SYNGR1: variants seen among roughly 807,000 people sequenced by gnomAD.
The protein encoded by SYNGR1 is synaptogyrin 1.
SYNGR1 carries 14 observed loss-of-function variants against 26.1 expected under a neutral mutation model. That is an observed-to-expected ratio of 0.54 (90% CI 0.35 to 0.84). The LOEUF (loss-of-function observed/expected upper bound fraction) is 0.84, where lower values mean the gene tolerates loss of function less well. Ranked by LOEUF, SYNGR1 falls within the 40% of genes least tolerant of loss-of-function variation. The probability of loss-of-function intolerance (pLI) is 0.01; values close to 1 mark genes in which losing one functional copy is unlikely to be tolerated. For synonymous variants in SYNGR1, 141 were observed against 150.1 expected (o/e 0.94, Z 0.44); for missense variants, 319 against 332.9 (o/e 0.96, Z 0.33).
chr22:39,355,387 C>A (rs1924100622), intron 1 of SYNGR1, among the ~76,000 whole-genome samples: 2 of 152,240 alleles, frequency 1.3e-5, no homozygotes, highest in South Asian at 4.1e-4. Flanking sequence ...GCCCACGGCC[C>A]TTGTTTGTTA....
intron 3 of SYNGR1, among the ~76,000 whole-genome samples, chr22:39,381,179 G>A (rs1169170481): frequency 6.6e-6 from 1 of 152,130 alleles, no homozygotes; most frequent in Non-Finnish European, 1.5e-5. Flanking sequence ...GGCAATTAGA[G>A]CTCCAGCCAT....
At chr22:39,355,776 G>C (rs1924117309) in intron 1 of SYNGR1, among the ~76,000 whole-genome samples, 1 of 152,156 alleles carries the variant, frequency 6.6e-6, no homozygotes, top group Non-Finnish European at 1.5e-5. Context: ...CCAACACTTT[G>C]GGAGGCAGAG....
chr22:39,377,857 G>C, intron 3 of SYNGR1: 1 of 1,498,480 alleles, frequency 6.7e-7, no homozygotes, highest in South Asian at 1.2e-5. Context: ...TTCCTTCACC[G>C]CCTCCTTCAT....
In SYNGR1 at chr22:39,381,737, C is replaced by T. The variant is rs778322702; in HGVS notation, c.525C>T (p.Gly175=). Residue 175 remains glycine (G), a synonymous_variant, in exon 4 of 4, where the codon GGC becomes GGT. Coordinates refer to ENST00000328933, the MANE Select transcript of SYNGR1 (RefSeq NM_004711.5). The part of the protein sequence containing the change: ...AVLAFQRYQI[G]ADSALFSQDY... Reference sequence around the variant, plus strand: ...TGGCCTTCCAGCGGTACCAGATTGGCGCCGACTCGGCCCTCTTCTCCCAGG... The same window carrying T: ...TGGCCTTCCAGCGGTACCAGATTGGTGCCGACTCGGCCCTCTTCTCCCAGG... The T allele has an allele frequency of 7.4e-6, 12 of 1,613,308 alleles. No individual in the cohort carries two copies. The highest frequency in any genetic ancestry group is 4.4e-5 in the South Asian group (4 of 91,094).
At chr22:39,358,257 C>T (rs1030856452) in intron 1 of SYNGR1, among the ~76,000 whole-genome samples, 3 of 152,176 alleles carry the variant, frequency 2.0e-5, no homozygotes, top group Non-Finnish European at 4.4e-5. Flanking sequence ...CGTGGAGAAC[C>T]TTTGTATCTA....
chr22:39,354,236 A>G (rs137703), intron 1 of SYNGR1, among the ~76,000 whole-genome samples: 86,175 of 152,208 alleles, frequency 0.57, 27,571 homozygotes, highest in East Asian at 0.85. Context: ...TTCAGGGTTC[A>G]TTTTTTAAGG....
intron 1 of SYNGR1, among the ~76,000 whole-genome samples, chr22:39,371,527 C>T (rs376152802): frequency 1.3e-5 from 2 of 151,622 alleles, no homozygotes; most frequent in Non-Finnish European, 2.9e-5. Flanking sequence ...TGGTGGCTCA[C>T]GCCCGTAATC....
At chr22:39,380,664 A>T (rs1925472239) in intron 3 of SYNGR1, among the ~76,000 whole-genome samples, 1 of 116,696 alleles carries the variant, frequency 8.6e-6, no homozygotes, top group Non-Finnish European at 1.6e-5. Context: ...TTTGTTGCCC[A>T]GGCTAGAGTG....
intron 1 of SYNGR1, among the ~76,000 whole-genome samples, chr22:39,359,825 C>T (rs1325714174): frequency 6.6e-6 from 1 of 152,040 alleles, no homozygotes; most frequent in Non-Finnish European, 1.5e-5. Context: ...CTAGCTAGGC[C>T]TGGCCCTGCC....
At chr22:39,372,277 A>G (rs1266751956) in intron 1 of SYNGR1, among the ~76,000 whole-genome samples, 2 of 150,984 alleles carry the variant, frequency 1.3e-5, no homozygotes, top group Non-Finnish European at 3.0e-5. Context: ...GACCACAGGC[A>G]CGTGCCACCA....
chr22:39,368,945 C>G (rs1210773812), intron 1 of SYNGR1, among the ~76,000 whole-genome samples: 2 of 152,206 alleles, frequency 1.3e-5, no homozygotes, highest in Non-Finnish European at 2.9e-5. Flanking sequence ...TGGGTACTTG[C>G]TCTAATTCTC....
At chr22:39,356,440 A>T (rs936060519) in intron 1 of SYNGR1, among the ~76,000 whole-genome samples, 1 of 152,138 alleles carries the variant, frequency 6.6e-6, no homozygotes, top group African/African-American at 2.4e-5. Context: ...AGGCCCAGAG[A>T]GGTTAACTGG....
Position 39,382,976 on chromosome 22 carries a change from A to T in SYNGR1, c.*1062A>T, listed in dbSNP as rs150297796. On this transcript the variant is annotated 3_prime_UTR_variant, in exon 4 of 4. Transcript: ENST00000328933. ...ACAACAAGGCACAGATGAGGGTGTG[A>T]CTGGCCCGAGGTCACGGTGAGTGAG... 1 of 152,388 alleles carries T rather than the reference A, an allele frequency of 6.6e-6. No individual in the cohort carries two copies. The highest frequency in any genetic ancestry group is 2.4e-5 in the African/African-American group (1 of 41,546). The allele number at this position is 152,388 out of a possible 1,614,324, so 9.4% of individuals were successfully genotyped here. A position where few individuals can be genotyped will look rare whatever the true frequency, so the allele number is the denominator to read the frequency against.
chr22:39,374,009 C>G (rs991839529), intron 1 of SYNGR1, among the ~76,000 whole-genome samples: 2 of 152,108 alleles, frequency 1.3e-5, no homozygotes, highest in Admixed American at 1.3e-4. Context: ...CCCAGGATAT[C>G]TTGGTGTCAG....
At position 39,383,108 on chromosome 22, in the gene SYNGR1, C is replaced by G. The variant is rs1219185628; in HGVS notation, c.*1194C>G. On this transcript the variant is annotated 3_prime_UTR_variant, in exon 4 of 4. Coordinates refer to ENST00000328933, the MANE Select transcript of SYNGR1 (RefSeq NM_004711.5). ...CAGGAAACAGAACTGATCTGGGACA[C>G]TATGTCACCTCTCCTCTCATCTGGG... 6.6e-6 allele frequency: 1 copy of G among 152,278 alleles called. No individual in the cohort carries two copies. The highest frequency in any genetic ancestry group is 1.5e-5 in the Non-Finnish European group (1 of 68,072). The allele number at this position is 152,278 out of a possible 1,614,324, so 9.4% of individuals were successfully genotyped here. A position where few individuals can be genotyped will look rare whatever the true frequency, so the allele number is the denominator to read the frequency against.
At position 39,350,414 on chromosome 22, in the gene SYNGR1, T is replaced by C. The variant is rs921523872; in HGVS notation, c.99+305T>C. Among the ~76,000 whole-genome samples, 4 of 152,114 alleles carry C rather than the reference T, an allele frequency of 2.6e-5. No individual in the cohort carries two copies. Among genetic ancestry groups the C allele is most frequent in the Non-Finnish European group, 4.4e-5 (3 of 67,994 alleles). ...ATTGCTGTGACCTCCAGGCCGCGGC[T>C]ATGCCGCGAAAGGCTCGGATTGTGC... On this transcript the variant is annotated intron_variant, in intron 1 of 3. Coordinates refer to ENST00000328933, the MANE Select transcript of SYNGR1 (RefSeq NM_004711.5). This position sits in a 1 kb window ranked among gnomAD's most constrained non-coding sequence, Gnocchi z 4.3.
chr22:39,361,946 G>A (rs1241091018), intron 1 of SYNGR1, among the ~76,000 whole-genome samples: 1 of 151,894 alleles, frequency 6.6e-6, no homozygotes, highest in Non-Finnish European at 1.5e-5. Flanking sequence ...AGATACTTCT[G>A]CCACTGAGAG....
At chr22:39,367,535 G>A (rs1422088358) in intron 1 of SYNGR1, among the ~76,000 whole-genome samples, 1 of 152,162 alleles carries the variant, frequency 6.6e-6, no homozygotes, top group Non-Finnish European at 1.5e-5. Flanking sequence ...AGAAGCTTGG[G>A]TTGTAGACCG....
intron 1 of SYNGR1, chr22:39,364,321 C>T (rs759904371): frequency 6.2e-7 from 1 of 1,613,854 alleles, no homozygotes; most frequent in East Asian, 2.2e-5. Flanking sequence ...TGCTGTGGGT[C>T]AGCGAGAGGC....
Sources: allele counts gnomAD v4.1 joint callset (sites outside exome capture counted in the v4.1 genomes callset), GRCh38; gene constraint gnomAD v4.1.1; non-coding constraint Gnocchi (gnomAD v3.1); transcripts MANE v1.5; gene names NCBI Gene and HGNC (gene_info 2026-07-23, HGNC 2026-07-21).